Variants in PPP1R1A observed in about 807,000 individuals in gnomAD.
PPP1R1A encodes the protein protein phosphatase 1 regulatory subunit 1A.
In PPP1R1A, 18 loss-of-function variants were observed where a neutral mutation model predicts 23.9. The observed-to-expected ratio is 0.75, with a 90% confidence interval of 0.52 to 1.12. The LOEUF (loss-of-function observed/expected upper bound fraction) is 1.12. Among genes scored for constraint, PPP1R1A ranks in the 50% most tolerant of loss-of-function variants. The pLI is 0.00. For missense variants in PPP1R1A, 207 were observed against 223.8 expected, an observed-to-expected ratio of 0.92 and a Z score of 0.48; for synonymous variants, 84 against 80.7, an observed-to-expected ratio of 1.04 and a Z score of -0.22.
Position 54,580,933 on chromosome 12 carries a change from T to A in PPP1R1A, c.510+11A>T. 10 of 1,602,716 alleles carry A rather than the reference T, an allele frequency of 6.2e-6. No individual in the cohort carries two copies. The highest frequency in any genetic ancestry group is 7.7e-6 in the Non-Finnish European group (9 of 1,169,492). ...CTCCTATGACCTGGCAGCCCAGCCC[T>A]GGGGTCTTACCGAGTTGGCTCCCTT... On this transcript the variant is annotated intron_variant, in intron 6 of 6. Coordinates refer to ENST00000257905, the MANE Select transcript of PPP1R1A (RefSeq NM_006741.4).
intron 3 of PPP1R1A, among the ~76,000 whole-genome samples, 181 bp downstream of exon 3, chr12:54,583,026 GTGTA>G (rs1957872434): frequency 6.6e-6 from 1 of 152,190 alleles, no homozygotes; most frequent in Non-Finnish European, 1.5e-5. Context: ...GAGTGTGTGT[GTGTA>G]TGTGAGTGTG....
At position 54,582,033 on chromosome 12, in the gene PPP1R1A, G is replaced by A. The variant is rs1267388158; in HGVS notation, c.346C>T (p.Pro116Ser). 6 of 1,613,660 alleles carry A rather than the reference G, an allele frequency of 3.7e-6. No individual in the cohort carries two copies. In the Admixed American group the frequency reaches 1.0e-4, roughly 27 times the overall value. Residue 116 changes from proline (P) to serine (S), a missense_variant, in exon 5 of 7, where the codon CCT becomes TCT. Transcript: ENST00000257905. ...ESTGTQESRP[P>S]GIPDTEVESR... ...TCCACTTCTGTGTCTGGGATCCCAG[G>A]TGGGCGGGACTCCTGGGTTCCTGTG...
intron 1 of PPP1R1A, among the ~76,000 whole-genome samples, chr12:54,587,183 C>CCCTG (rs902183749): frequency 6.6e-6 from 1 of 152,106 alleles, no homozygotes; most frequent in African/African-American, 2.4e-5. Context: ...GAGTGTGTAC[C>CCCTG]CCTGCCCGCT....
rs992000072 is a variant in PPP1R1A at position 54,588,467 on chromosome 12, G to C, written c.22C>G (p.Arg8Gly). 4 of 1,468,918 alleles carry C rather than the reference G, an allele frequency of 2.7e-6. No individual in the cohort carries two copies. Among genetic ancestry groups the C allele is most frequent in the South Asian group, 2.7e-5 (2 of 74,942 alleles). 91.0% of individuals were successfully genotyped at this position (1,468,918 alleles called of 1,614,324 possible). Residue 8 changes from arginine to glycine, a missense_variant, in exon 1 of 7, where the codon CGA (arginine) becomes GGA (glycine). Transcript: ENST00000257905. ...AGCGGGACCGTGAACTGGATCTTTC[G>C]GGGGCTGTTGTCTTGCTCCATGGCT... The part of the protein sequence containing the change: MEQDNSP[R>G]KIQFTVPLLE...
At position 54,583,193 on chromosome 12, in the gene PPP1R1A, T is replaced by C. The variant is rs757289183; in HGVS notation, c.183+18A>G. On this transcript the variant is annotated intron_variant, in intron 3 of 6. Coordinates refer to ENST00000257905, the MANE Select transcript of PPP1R1A (RefSeq NM_006741.4). ...TGGGGGTTTTTTGGGCTGGGCTTAG[T>C]GGGATGGGCCAGCTCACCTTGAGAT... 3.4e-5 allele frequency: 53 copies of C among 1,557,474 alleles called. No individual in the cohort carries two copies. Among genetic ancestry groups the C allele is most frequent in the Non-Finnish European group, 4.4e-5 (51 of 1,156,776 alleles).
intron 3 of PPP1R1A, 95 bp from the exon 4 acceptor site, chr12:54,582,890 T>A: frequency 8.1e-7 from 1 of 1,239,714 alleles, no homozygotes; most frequent in Non-Finnish European, 1.1e-6. Flanking sequence ...CCAGCCCCCC[T>A]TGCCTTCCTC....
chr12:54,582,410 T>C (rs958975255), intron 4 of PPP1R1A, among the ~76,000 whole-genome samples: 1 of 152,194 alleles, frequency 6.6e-6, no homozygotes, highest in Non-Finnish European at 1.5e-5. Context: ...TACATGGTCT[T>C]CCCTGGGGGA....
intron 1 of PPP1R1A, among the ~76,000 whole-genome samples, chr12:54,586,289 T>A (rs964700894): frequency 6.6e-6 from 1 of 152,192 alleles, no homozygotes; most frequent in Non-Finnish European, 1.5e-5. Context: ...GGAATCGTGA[T>A]ACCCTTACAG....
Position 54,588,503 on chromosome 12 carries a change from C to A in PPP1R1A, c.-15G>T. On this transcript the variant is annotated 5_prime_UTR_variant, in exon 1 of 7. Transcript: ENST00000257905. ...TCTTGCTCCATGGCTGGGGCGGCGG[C>A]CGGTGGGCCCGCGCTGCGGCGGGAG... 7.5e-7 allele frequency: 1 copy of A among 1,335,206 alleles called. No individual in the cohort carries two copies. Among genetic ancestry groups the A allele is most frequent in the Non-Finnish European group, 9.7e-7 (1 of 1,030,560 alleles). 82.7% of individuals were successfully genotyped at this position (1,335,206 alleles called of 1,614,324 possible).
chr12:54,585,312 C>T (rs1020809045), intron 1 of PPP1R1A, among the ~76,000 whole-genome samples: 4 of 152,216 alleles, frequency 2.6e-5, no homozygotes, highest in African/African-American at 9.7e-5. Context: ...GCTGAAAAAT[C>T]TTATCCTAGG....
intron 1 of PPP1R1A, among the ~76,000 whole-genome samples, chr12:54,586,103 A>G (rs144448284): frequency 2.6e-5 from 4 of 152,208 alleles, no homozygotes; most frequent in African/African-American, 9.6e-5. Flanking sequence ...GGTAGTAGGA[A>G]AGAGACAAGG....
rs1428837632 is a variant in PPP1R1A at position 54,581,989 on chromosome 12, A to G, written c.390T>C (p.Ser130=). 1.2e-6 allele frequency: 2 copies of G among 1,612,662 alleles called. No individual in the cohort carries two copies. The highest frequency in any genetic ancestry group is 2.2e-5 in the East Asian group (1 of 44,788). The part of the protein sequence containing the change: ...DTEVESRLGT[S]GTAKKTAECI... ...GCCTGAACATACTTTTTGCTGTCCCAGAGGTGCCCAGCCTTGACTCCACTT... is the reference window on the plus strand; with the variant it reads ...GCCTGAACATACTTTTTGCTGTCCCGGAGGTGCCCAGCCTTGACTCCACTT... The change falls in exon 5 of 7, where the codon TCT becomes TCC. Residue 130 remains serine, a synonymous_variant. Transcript: ENST00000257905. This position sits in a 1 kb window ranked among gnomAD's most constrained non-coding sequence, Gnocchi z 4.1.
rs928696216 is a variant in PPP1R1A at position 54,588,391 on chromosome 12, G to A, written c.84+14C>T. 17 of 1,492,450 alleles carry A rather than the reference G, an allele frequency of 1.1e-5. No individual in the cohort carries two copies. Among genetic ancestry groups the A allele is most frequent in the Non-Finnish European group, 1.5e-5 (17 of 1,115,592 alleles). 92.5% of individuals were successfully genotyped at this position (1,492,450 alleles called of 1,614,324 possible). ...GGCTGGGCGAGTGCCCTGCCGCCCCGCCCTGCTCCGCACCTGCTCCGCCGC... is the reference window on the plus strand; with the variant it reads ...GGCTGGGCGAGTGCCCTGCCGCCCCACCCTGCTCCGCACCTGCTCCGCCGC... On this transcript the variant is annotated intron_variant, in intron 1 of 6. Coordinates refer to ENST00000257905, the MANE Select transcript of PPP1R1A (RefSeq NM_006741.4).
At chr12:54,584,114 A>C in intron 2 of PPP1R1A, 146 bp downstream of exon 2, 1 of 876,592 alleles carries the variant, frequency 1.1e-6, no homozygotes, top group Non-Finnish European at 1.8e-6. Flanking sequence ...ATATTCTGCA[A>C]TCTAGCCACC....
At chr12:54,582,697 AG>A (rs775079860) in intron 4 of PPP1R1A, 34 bp downstream of exon 4, 1 of 1,604,278 alleles carries the variant, frequency 6.2e-7, no homozygotes, top group Non-Finnish European at 8.5e-7. Context: ...CTTCAGGCAC[AG>A]AGGAGAAAAA....
chr12:54,581,238 A>T lies in PPP1R1A; in HGVS notation c.404-188T>A, dbSNP rs1426410964. Among the ~76,000 whole-genome samples, 2 of 152,196 alleles carry T rather than the reference A, an allele frequency of 1.3e-5. No individual in the cohort carries two copies. The highest frequency in any genetic ancestry group is 2.4e-5 in the African/African-American group (1 of 41,438). On this transcript the variant is annotated intron_variant, in intron 5 of 6. Transcript: ENST00000257905. The surrounding 1 kb of genome is among the most constrained non-coding windows in gnomAD (Gnocchi z 4.1). ...CAATTACTACTATATGTTCACTTTTAAAAAATCTTCAATCAAATTGGAAAG... is the reference window on the plus strand; with the variant it reads ...CAATTACTACTATATGTTCACTTTTTAAAAATCTTCAATCAAATTGGAAAG...
chr12:54,582,050 G>T lies in PPP1R1A; in HGVS notation c.329C>A (p.Thr110Asn). Reference sequence around the variant, plus strand: ...GATCCCAGGTGGGCGGGACTCCTGGGTTCCTGTGCTCTCAGCGGCCCCCTC... The same window carrying T: ...GATCCCAGGTGGGCGGGACTCCTGGTTTCCTGTGCTCTCAGCGGCCCCCTC... The part of the protein sequence containing the change: ...EPEGAAESTG[T>N]QESRPPGIPD... The change falls in exon 5 of 7, where the codon ACC (threonine) becomes AAC (asparagine). Residue 110 changes from threonine to asparagine, a missense_variant. Thr to Asn is a moderately conservative substitution (Grantham distance 65, BLOSUM62 0). Transcript: ENST00000257905. The T allele has an allele frequency of 6.2e-7, 1 of 1,613,834 alleles. No homozygotes were observed. The highest frequency in any genetic ancestry group is 1.1e-5 in the South Asian group (1 of 91,062).
Position 54,581,911 on chromosome 12 carries a change from G to A in PPP1R1A, c.403+65C>T. On this transcript the variant is annotated intron_variant, in intron 5 of 6. Transcript: ENST00000257905. This position sits in a 1 kb window ranked among gnomAD's most constrained non-coding sequence, Gnocchi z 4.1. ...CAACTCTTTCCCCTCCCCGCAGTGG[G>A]TAAGGCTTGCCTCCTGCTGGGCTGG... 2 of 1,543,864 alleles carry A rather than the reference G, an allele frequency of 1.3e-6. No individual in the cohort carries two copies. The highest frequency in any genetic ancestry group is 1.3e-5 in the South Asian group (1 of 79,026).
At chr12:54,588,359 C>A in intron 1 of PPP1R1A, 46 bp downstream of exon 1, 15 of 1,461,996 alleles carry the variant, frequency 1.0e-5, no homozygotes, top group Non-Finnish European at 1.4e-5. Context: ...AGGGGTCCCT[C>A]GTCCTTGGCT....
Sources: gnomAD v4.1 joint callset for allele counts (sites outside exome capture counted in the v4.1 genomes callset) on GRCh38, gnomAD v4.1.1 for gene constraint, Gnocchi (gnomAD v3.1) non-coding constraint, MANE v1.5 for transcripts, NCBI Gene and HGNC (gene_info 2026-07-23, HGNC 2026-07-21) for gene names.